The following KDM4C variants were observed in gnomAD, a reference collection of about 807,000 sequenced individuals.
KDM4C encodes lysine-specific demethylase 4C.
Under a neutral mutation model 129.3 loss-of-function variants are expected in KDM4C, and 81 were observed. The ratio of observed to expected loss-of-function variants is 0.63; its 90% CI spans 0.52 to 0.75. KDM4C has a LOEUF of 0.75. Ranked by LOEUF, KDM4C falls within the 30% of genes least tolerant of loss-of-function variation. The probability of loss-of-function intolerance (pLI) is 0.00; values close to 1 mark genes in which losing one functional copy is unlikely to be tolerated. For missense variants in KDM4C, 1,457 were observed against 1,304.0 expected (o/e 1.12, Z -1.81); for synonymous variants, 573 against 456.1 (o/e 1.26, Z -3.26).
intron 17 of KDM4C, among the ~76,000 whole-genome samples, chr9:7,066,085 A>G (rs1832387597): frequency 6.6e-6 from 1 of 152,150 alleles, no homozygotes. Flanking sequence ...CATCTTCATT[A>G]CATCAGTTGG....
chr9:6,874,618 G>A (rs34266958), intron 5 of KDM4C, among the ~76,000 whole-genome samples: 32,480 of 152,058 alleles, frequency 0.21, 4,188 homozygotes, highest in Middle Eastern at 0.38. Context: ...AATTTTTAGG[G>A]CAGTTCTTCT....
At chr9:6,868,875 C>A (rs551639970) in intron 5 of KDM4C, among the ~76,000 whole-genome samples, 1 of 151,740 alleles carries the variant, frequency 6.6e-6, no homozygotes, top group East Asian at 1.9e-4. Flanking sequence ...ATTTAGAATA[C>A]CTTTTTTCTC....
chr9:6,855,154 A>G (rs1234952158), intron 5 of KDM4C, among the ~76,000 whole-genome samples: 1 of 152,188 alleles, frequency 6.6e-6, no homozygotes, highest in Admixed American at 6.5e-5. Context: ...ATTTGTATTA[A>G]TAAGTGTTCT....
At chr9:7,056,030 G>A (rs754445086) in intron 17 of KDM4C, among the ~76,000 whole-genome samples, 3 of 152,174 alleles carry the variant, frequency 2.0e-5, no homozygotes, top group African/African-American at 4.8e-5. Flanking sequence ...CTCATGTACC[G>A]ATTTATTCAT....
intron 19 of KDM4C, among the ~76,000 whole-genome samples, chr9:7,146,235 ACT>A (rs1842203522): frequency 6.6e-6 from 1 of 152,258 alleles, no homozygotes; most frequent in African/African-American, 2.4e-5. Context: ...TCAAAATGTT[ACT>A]GATTATCTTT....
intron 15 of KDM4C, among the ~76,000 whole-genome samples, chr9:7,035,103 CCTGAGCT>C (rs774666980): frequency 4.6e-5 from 7 of 151,692 alleles, no homozygotes; most frequent in Non-Finnish European, 7.4e-5. Flanking sequence ...TTCTCTACTT[CCTGAGCT>C]CATGTGATCC....
chr9:6,985,977 C>T (rs1817623550), intron 10 of KDM4C, among the ~76,000 whole-genome samples: 1 of 152,354 alleles, frequency 6.6e-6, no homozygotes, highest in East Asian at 1.9e-4. Context: ...ACACGTGAGC[C>T]ACCGTGCCCG....
chr9:6,793,754 G>A (rs1360791468), intron 2 of KDM4C, among the ~76,000 whole-genome samples: 1 of 151,910 alleles, frequency 6.6e-6, no homozygotes, highest in Non-Finnish European at 1.5e-5. Flanking sequence ...TGTTGGCCAG[G>A]CTGGTCTTGA....
intron 8 of KDM4C, among the ~76,000 whole-genome samples, chr9:6,974,402 C>T (rs1245278821): frequency 3.3e-5 from 5 of 152,016 alleles, no homozygotes; most frequent in African/African-American, 1.2e-4. Flanking sequence ...CTCTGTCGTC[C>T]AGGCTGGAGT....
intron 9 of KDM4C, among the ~76,000 whole-genome samples, chr9:6,981,561 T>C (rs1485325181): frequency 6.6e-6 from 1 of 152,256 alleles, no homozygotes; most frequent in Non-Finnish European, 1.5e-5. Context: ...TTTTACTACA[T>C]TTTATGCACA....
At chr9:6,997,597 T>G (rs1820002188) in intron 12 of KDM4C, among the ~76,000 whole-genome samples, 1 of 152,232 alleles carries the variant, frequency 6.6e-6, no homozygotes, top group Admixed American at 6.5e-5. Context: ...TTGCAAAATC[T>G]TTGAACACCC....
intron 8 of KDM4C, among the ~76,000 whole-genome samples, chr9:6,912,327 C>T (rs1186507355): frequency 6.6e-6 from 1 of 152,196 alleles, no homozygotes; most frequent in East Asian, 1.9e-4. Flanking sequence ...TTAACCTCTC[C>T]CCTGTGTGAT....
At chr9:7,093,067 T>C (rs1835986375) in intron 17 of KDM4C, among the ~76,000 whole-genome samples, 1 of 152,186 alleles carries the variant, frequency 6.6e-6, no homozygotes. Flanking sequence ...CCAATATCTG[T>C]TTGGAGTCAG....
chr9:6,732,170 T>C (rs796569884), intron 1 of KDM4C, among the ~76,000 whole-genome samples: 1 of 150,618 alleles, frequency 6.6e-6, no homozygotes, highest in Non-Finnish European at 1.5e-5. Flanking sequence ...ATTGAGACCA[T>C]CCTGGCTAAC....
intron 4 of KDM4C, among the ~76,000 whole-genome samples, chr9:6,839,396 G>T (rs867715747): frequency 3.3e-4 from 36 of 109,894 alleles, no homozygotes; most frequent in African/African-American, 1.0e-3. Context: ...CACCTGGCCA[G>T]TTTTTTTTTT....
chr9:6,739,633 AT>A (rs34006315), intron 1 of KDM4C, among the ~76,000 whole-genome samples: 19,308 of 138,810 alleles, frequency 0.14, 1,295 homozygotes, highest in South Asian at 0.21. Context: ...TGCAGGGTAG[AT>A]TTTTTTTTTT....
intron 8 of KDM4C, among the ~76,000 whole-genome samples, chr9:6,933,029 G>A (rs1824048391): frequency 6.6e-6 from 1 of 151,954 alleles, no homozygotes; most frequent in South Asian, 2.1e-4. Context: ...GCAAGTGTAG[G>A]GAGTTCATTT....
At chr9:6,864,855 T>G (rs1380936129) in intron 5 of KDM4C, among the ~76,000 whole-genome samples, 1 of 151,954 alleles carries the variant, frequency 6.6e-6, no homozygotes, top group African/African-American at 2.4e-5. Context: ...TGTATGTGCC[T>G]GTCTTCAAGC....
chr9:6,798,119 A>C (rs1033584165), intron 2 of KDM4C, among the ~76,000 whole-genome samples: 12 of 152,200 alleles, frequency 7.9e-5, no homozygotes, highest in African/African-American at 2.7e-4. Flanking sequence ...GAACTCTTTA[A>C]TTTAAATGAA....
Sources: gnomAD v4.1 joint callset for allele counts (sites outside exome capture counted in the v4.1 genomes callset) on GRCh38, gnomAD v4.1.1 for gene constraint, MANE v1.5 for transcripts, NCBI Gene and HGNC (gene_info 2026-07-23, HGNC 2026-07-21) for gene names.